The following REXO1 variants were observed in gnomAD, a reference collection of about 807,000 sequenced individuals.
REXO1 encodes REX1, RNA exonuclease 1 homolog.
A neutral mutation model predicts 102.6 loss-of-function variants in REXO1; 42 were observed. That is an observed-to-expected ratio of 0.41 (90% CI 0.32 to 0.53). The LOEUF (loss-of-function observed/expected upper bound fraction) is 0.53, where lower values mean the gene tolerates loss of function less well. Ranked by LOEUF, REXO1 falls within the 20% of genes least tolerant of loss-of-function variation. REXO1 has a pLI of 0.27. For synonymous variants in REXO1, 908 were observed against 779.1 expected (o/e 1.17, Z -2.76); for missense variants, 1,819 against 1,732.5 (o/e 1.05, Z -0.89).
chr19:1,820,419 A>G, intron 5 of REXO1, 24 bp from the exon 6 acceptor site: 1 of 1,611,132 alleles, frequency 6.2e-7, no homozygotes, highest in Non-Finnish European at 8.5e-7. Context: ...AAAAGCTGCC[A>G]TGGGTGAGGG....
chr19:1,832,691 G>T (rs1488650277), intron 1 of REXO1, among the ~76,000 whole-genome samples: 2 of 148,914 alleles, frequency 1.3e-5, no homozygotes, highest in Non-Finnish European at 3.0e-5. Flanking sequence ...GACCAAGGCG[G>T]GCAGATCACC....
chr19:1,842,919 C>T (rs1447499249), intron 1 of REXO1, among the ~76,000 whole-genome samples: 4 of 152,224 alleles, frequency 2.6e-5, no homozygotes, highest in African/African-American at 7.2e-5. Context: ...CCTGGGAACC[C>T]AGCGCTTTTC....
intron 1 of REXO1, among the ~76,000 whole-genome samples, chr19:1,838,600 C>T (rs985834844): frequency 1.4e-5 from 2 of 146,052 alleles, no homozygotes; most frequent in African/African-American, 2.5e-5. Flanking sequence ...GGGAGGCGGA[C>T]GTTGCGGTGA....
rs2145279736 is a variant in REXO1, at chr19:1,827,509, G to A, written c.1280C>T (p.Ala427Val). The change falls in exon 2 of 16, where the codon GCA (alanine) becomes GTA (valine). Residue 427 changes from alanine (A) to valine (V), a missense_variant. Physicochemically the swap from Ala to Val is moderately conservative, Grantham distance 64. Coordinates refer to ENST00000170168, the MANE Select transcript of REXO1 (RefSeq NM_020695.4). ...CTTCTTGGTCCCTTCCGGCCGCTCTGCCTTGCGCCGGGGGCTGCTGGCCTG... is the reference window on the plus strand; with the variant it reads ...CTTCTTGGTCCCTTCCGGCCGCTCTACCTTGCGCCGGGGGCTGCTGGCCTG... ...GPQASSPRRK[A>V]ERPEGTKKKP... is the part of the protein sequence containing the mutation. The A allele has an allele frequency of 6.3e-7, 1 of 1,582,806 alleles. No individual in the cohort carries two copies. Among genetic ancestry groups the A allele is most frequent in the East Asian group, 2.2e-5 (1 of 44,582 alleles).
In REXO1 at chr19:1,826,740, G is replaced by A; in HGVS notation, c.1911+138C>T. ...TCCTGAGCTCCTGAGATTTCAACGGGCTCAGGGACCAGCACTGAGGAGCTG... is the reference window on the plus strand; with the variant it reads ...TCCTGAGCTCCTGAGATTTCAACGGACTCAGGGACCAGCACTGAGGAGCTG... On this transcript the variant is annotated intron_variant, in intron 2 of 15. Coordinates refer to ENST00000170168, the MANE Select transcript of REXO1 (RefSeq NM_020695.4). The surrounding 1 kb of genome is among the most constrained non-coding windows in gnomAD (Gnocchi z 4.3). The A allele has an allele frequency of 7.2e-7, 1 of 1,393,756 alleles. No homozygotes were observed. 86.3% of individuals were successfully genotyped at this position (1,393,756 alleles called of 1,614,324 possible).
chr19:1,848,012 G>A (rs777044390), intron 1 of REXO1, among the ~76,000 whole-genome samples, 190 bp downstream of exon 1: 21 of 152,358 alleles, frequency 1.4e-4, no homozygotes, highest in Non-Finnish European at 2.1e-4. Flanking sequence ...GAAGACGAAG[G>A]CTTAGGGACA....
intron 1 of REXO1, among the ~76,000 whole-genome samples, chr19:1,831,431 G>A (rs1048659277): frequency 3.3e-5 from 5 of 152,144 alleles, no homozygotes; most frequent in Admixed American, 2.0e-4. Flanking sequence ...ACGCAGCCAA[G>A]GGGAGGCAGG....
At position 1,827,017 on chromosome 19, in the gene REXO1, G is replaced by A. The variant is rs773965170; in HGVS notation, c.1772C>T (p.Ser591Phe). The A allele has an allele frequency of 1.9e-6, 3 of 1,543,960 alleles. No individual in the cohort carries two copies. The African/African-American group carries it at 4.3e-5, about 22-fold the overall frequency. ...SSSSSSSSSTSSAGADVDYSA... is the reference protein window; with the variant it reads ...SSSSSSSSSTFSAGADVDYSA... ...GTAGTCCACATCCGCCCCCGCGCTG[G>A]AGGTGGAGGAGGAGGAGGAGGAGGA... The change falls in exon 2 of 16, where the codon TCC becomes TTC. Residue 591 changes from serine to phenylalanine, a missense_variant. Physicochemically the swap from Ser to Phe is radical, Grantham distance 155. Transcript: ENST00000170168.
chr19:1,823,347 C>T (rs1196998692), intron 4 of REXO1: 1 of 396,476 alleles, frequency 2.5e-6, no homozygotes, highest in Non-Finnish European at 4.4e-6. Flanking sequence ...CTCCTAGTAA[C>T]CCCGGAGCTG....
chr19:1,840,238 A>T (rs2011221623), intron 1 of REXO1, among the ~76,000 whole-genome samples: 1 of 152,194 alleles, frequency 6.6e-6, no homozygotes, highest in Non-Finnish European at 1.5e-5. Flanking sequence ...GGCCCAGGGC[A>T]GGTGTCTGCA....
chr19:1,822,172 G>A (rs1332971138), intron 4 of REXO1: 1 of 336,310 alleles, frequency 3.0e-6, no homozygotes. Context: ...TGCAACCTGG[G>A]CATGTACGTC....
In REXO1 at chr19:1,845,694, G is replaced by A. The variant is rs1417653936; in HGVS notation, c.157+2508C>T. On this transcript the variant is annotated intron_variant, in intron 1 of 15. Coordinates refer to ENST00000170168, the MANE Select transcript of REXO1 (RefSeq NM_020695.4). The stretch of plus-strand genomic sequence containing the variant: ...TTAATTCATTAAATAAAATGGCTGA[G>A]CAGGTCCAGGGATAAGAGCCCAGAA... Among the ~76,000 whole-genome samples, 4 of 152,176 alleles carry A rather than the reference G, an allele frequency of 2.6e-5. No individual in the cohort carries two copies. In the East Asian group the frequency reaches 5.8e-4, roughly 22 times the overall value.
At chr19:1,818,641 C>T (rs762719069) in intron 9 of REXO1, 46 bp from the exon 10 acceptor site, 5 of 1,607,368 alleles carry the variant, frequency 3.1e-6, no homozygotes, top group East Asian at 2.2e-5. Context: ...CGCTGGGGCC[C>T]GCATGCCCGG....
chr19:1,817,827 C>T, intron 10 of REXO1, 47 bp from the exon 11 acceptor site: 1 of 1,532,096 alleles, frequency 6.5e-7, no homozygotes, highest in Non-Finnish European at 9.0e-7. Context: ...AGGCCCACTC[C>T]ACAGCCCCCG....
intron 1 of REXO1, among the ~76,000 whole-genome samples, chr19:1,840,527 G>C (rs1188805758): frequency 2.0e-5 from 3 of 152,134 alleles, no homozygotes; most frequent in Admixed American, 2.0e-4. Context: ...TCCTCGAGCT[G>C]TCTCCATCCC....
chr19:1,846,096 G>T (rs1188034357), intron 1 of REXO1, among the ~76,000 whole-genome samples: 1 of 152,150 alleles, frequency 6.6e-6, no homozygotes, highest in African/African-American at 2.4e-5. Context: ...ATCCTGGGAG[G>T]CCAGCGTTCC....
chr19:1,833,476 T>C (rs982119052), intron 1 of REXO1, among the ~76,000 whole-genome samples: 17 of 152,166 alleles, frequency 1.1e-4, no homozygotes, highest in Non-Finnish European at 2.9e-5. Context: ...CCAAGGACCC[T>C]GGGAGTCAGC....
rs1322721799 is a variant in REXO1 at position 1,826,736 on chromosome 19, A to G, written c.1911+142T>C. On this transcript the variant is annotated intron_variant, in intron 2 of 15. Transcript: ENST00000170168. This position sits in a 1 kb window ranked among gnomAD's most constrained non-coding sequence, Gnocchi z 4.3. ...GTGCTCCTGAGCTCCTGAGATTTCA[A>G]CGGGCTCAGGGACCAGCACTGAGGA... 1.7e-5 allele frequency: 23 copies of G among 1,382,870 alleles called. No homozygotes were observed. Among genetic ancestry groups the G allele is most frequent in the South Asian group, 1.2e-4 (8 of 65,358 alleles). The allele number at this position is 1,382,870 out of a possible 1,614,324, so 85.7% of individuals were successfully genotyped here. A position where few individuals can be genotyped will look rare whatever the true frequency, so the allele number is the denominator to read the frequency against.
At chr19:1,821,818 G>A (rs2069552363) in intron 4 of REXO1, 136 bp from the exon 5 acceptor site, 1 of 756,994 alleles carries the variant, frequency 1.3e-6, no homozygotes, top group Admixed American at 2.9e-5. Context: ...CAGGGTGAGG[G>A]GCTGGGGCTG....
Sources: gnomAD v4.1 joint callset for allele counts (sites outside exome capture counted in the v4.1 genomes callset) on GRCh38, gnomAD v4.1.1 for gene constraint, Gnocchi (gnomAD v3.1) non-coding constraint, MANE v1.5 for transcripts, NCBI Gene and HGNC (gene_info 2026-07-23, HGNC 2026-07-21) for gene names.